SGCZ: variants seen among roughly 807,000 people sequenced by gnomAD.
SGCZ encodes the protein sarcoglycan zeta.
Under a neutral mutation model 41.3 loss-of-function variants are expected in SGCZ, and 40 were observed. The observed-to-expected ratio is 0.97, with a 90% confidence interval of 0.75 to 1.26. SGCZ has a LOEUF of 1.26. Ranked by LOEUF, SGCZ falls within the 50% of genes most tolerant of loss-of-function variation. The probability of loss-of-function intolerance (pLI) is 0.00; values close to 1 mark genes in which losing one functional copy is unlikely to be tolerated. For synonymous variants in SGCZ, 206 were observed against 137.5 expected (o/e 1.50, Z -3.49); for missense variants, 552 against 369.8 (o/e 1.49, Z -4.04).
At chr8:15,055,726 C>T (rs1031091742) in intron 1 of SGCZ, among the ~76,000 whole-genome samples, 7 of 152,154 alleles carry the variant, frequency 4.6e-5, no homozygotes, top group Admixed American at 2.0e-4. Flanking sequence ...GCAATGCTTG[C>T]GCAGCTCTCC....
At chr8:14,576,967 G>C (rs1041618704) in intron 1 of SGCZ, among the ~76,000 whole-genome samples, 1 of 152,242 alleles carries the variant, frequency 6.6e-6, no homozygotes. Flanking sequence ...CACCCAAAAG[G>C]CCCTTCATGA....
At chr8:14,990,293 C>T (rs180671764) in intron 1 of SGCZ, among the ~76,000 whole-genome samples, 25 of 152,196 alleles carry the variant, frequency 1.6e-4, no homozygotes, top group Admixed American at 8.5e-4. Flanking sequence ...ATACCACATC[C>T]CTTTTAAAAA....
chr8:14,189,057 C>T (rs1805007397), intron 4 of SGCZ, among the ~76,000 whole-genome samples: 2 of 146,742 alleles, frequency 1.4e-5, no homozygotes, highest in East Asian at 2.0e-4. Context: ...TGGGGTTTTA[C>T]TATGTTGGCA....
At chr8:15,138,716 T>G (rs1483315234) in intron 1 of SGCZ, among the ~76,000 whole-genome samples, 1 of 152,214 alleles carries the variant, frequency 6.6e-6, no homozygotes, top group Non-Finnish European at 1.5e-5. Context: ...CATGCTGAAC[T>G]GTGAGTCAAT....
chr8:14,528,993 A>T (rs975770416), intron 2 of SGCZ, among the ~76,000 whole-genome samples: 3 of 151,996 alleles, frequency 2.0e-5, no homozygotes, highest in African/African-American at 7.2e-5. Flanking sequence ...AACCAACTAA[A>T]CCAAAAATGG....
intron 5 of SGCZ, among the ~76,000 whole-genome samples, chr8:14,145,501 C>G (rs947322122): frequency 6.6e-6 from 1 of 152,120 alleles, no homozygotes; most frequent in Non-Finnish European, 1.5e-5. Context: ...GAGACTCTAA[C>G]AAATACCTAA....
At chr8:15,038,659 A>G (rs572796946) in intron 1 of SGCZ, among the ~76,000 whole-genome samples, 2 of 152,140 alleles carry the variant, frequency 1.3e-5, no homozygotes, top group East Asian at 1.9e-4. Context: ...CAACGAACAC[A>G]GTGATAAGAC....
intron 1 of SGCZ, among the ~76,000 whole-genome samples, chr8:14,839,619 A>G (rs1262294732): frequency 6.6e-6 from 1 of 152,096 alleles, no homozygotes; most frequent in African/African-American, 2.4e-5. Flanking sequence ...TTCTAATGAA[A>G]GTCTTGAACG....
intron 1 of SGCZ, among the ~76,000 whole-genome samples, chr8:14,576,926 T>C (rs952943047): frequency 1.3e-5 from 2 of 152,190 alleles, no homozygotes; most frequent in East Asian, 3.8e-4. Context: ...TCAATTTGAT[T>C]ACCCGTGAGG....
chr8:14,569,822 T>G (rs1585088662), intron 1 of SGCZ, among the ~76,000 whole-genome samples: 1 of 151,780 alleles, frequency 6.6e-6, no homozygotes, highest in South Asian at 2.1e-4. Flanking sequence ...ACATTTCAGG[T>G]GGGTGGGGGC....
chr8:14,437,540 T>C (rs1014138264), intron 2 of SGCZ, among the ~76,000 whole-genome samples: 1 of 152,094 alleles, frequency 6.6e-6, no homozygotes, highest in Non-Finnish European at 1.5e-5. Context: ...TAAAATAGGT[T>C]ATTTATGTTA....
chr8:14,723,025 T>C (rs1462349745), intron 1 of SGCZ, among the ~76,000 whole-genome samples: 1 of 152,198 alleles, frequency 6.6e-6, no homozygotes, highest in South Asian at 2.1e-4. Context: ...TCATTTTTAT[T>C]CCATTGTTTG....
At chr8:15,220,032 G>T (rs1468421248) in intron 1 of SGCZ, among the ~76,000 whole-genome samples, 1 of 152,148 alleles carries the variant, frequency 6.6e-6, no homozygotes, top group Non-Finnish European at 1.5e-5. Context: ...CCTTTGAAAT[G>T]CTTGGATCTA....
At chr8:14,474,706 A>C (rs1268482684) in intron 2 of SGCZ, among the ~76,000 whole-genome samples, 1 of 152,234 alleles carries the variant, frequency 6.6e-6, no homozygotes, top group African/African-American at 2.4e-5. Flanking sequence ...AACCATACTC[A>C]AAAACTAAAA....
intron 1 of SGCZ, among the ~76,000 whole-genome samples, chr8:14,597,168 G>T (rs956649703): frequency 4.6e-5 from 7 of 152,122 alleles, no homozygotes; most frequent in African/African-American, 1.2e-4. Context: ...CAAAAAAGCT[G>T]CAATTGCCTT....
At chr8:14,126,448 A>G (rs916739357) in intron 5 of SGCZ, among the ~76,000 whole-genome samples, 9 of 144,032 alleles carry the variant, frequency 6.2e-5, no homozygotes, top group Non-Finnish European at 1.2e-4. Flanking sequence ...TGCCAGTCAG[A>G]ATGGCTATTA....
intron 6 of SGCZ, among the ~76,000 whole-genome samples, chr8:14,105,479 C>CAACA (rs1802175494): frequency 2.0e-5 from 3 of 152,202 alleles, no homozygotes; most frequent in African/African-American, 4.8e-5. Context: ...AGGCATCAAC[C>CAACA]AACAAACAGT....
intron 3 of SGCZ, among the ~76,000 whole-genome samples, chr8:14,246,010 T>C (rs892076039): frequency 6.6e-6 from 1 of 152,162 alleles, no homozygotes; most frequent in Non-Finnish European, 1.5e-5. Flanking sequence ...GACTGTAAAC[T>C]AGTTCAACCA....
At chr8:14,380,990 C>T (rs1207634019) in intron 2 of SGCZ, among the ~76,000 whole-genome samples, 1 of 152,164 alleles carries the variant, frequency 6.6e-6, no homozygotes, top group African/African-American at 2.4e-5. Context: ...TCGTTCTTAG[C>T]ATATTCTTTC....
Sources: allele counts gnomAD v4.1 joint callset (sites outside exome capture counted in the v4.1 genomes callset), GRCh38; gene constraint gnomAD v4.1.1; transcripts MANE v1.5; gene names NCBI Gene and HGNC (gene_info 2026-07-23, HGNC 2026-07-21).